The following FMN2 variants were observed in gnomAD, a reference collection of about 807,000 sequenced individuals.
FMN2 encodes formin 2, also known as formin-2.
Under a neutral mutation model 142.3 loss-of-function variants are expected in FMN2, and 51 were observed. That is an observed-to-expected ratio of 0.36 (90% CI 0.29 to 0.45). FMN2 has a LOEUF of 0.45. FMN2 is among the 20% of genes least tolerant of loss of function. The probability of loss-of-function intolerance (pLI) is 1.00; values close to 1 mark genes in which losing one functional copy is unlikely to be tolerated. For missense variants in FMN2, 1,936 were observed against 2,122.8 expected (o/e 0.91, Z 1.73); for synonymous variants, 882 against 869.8 (o/e 1.01, Z -0.25).
chr1:240,158,003 G>C (rs1664102069), intron 2 of FMN2, among the ~76,000 whole-genome samples: 1 of 149,736 alleles, frequency 6.7e-6, no homozygotes, highest in South Asian at 2.1e-4. Flanking sequence ...AAGTCAGCCA[G>C]GCACAGTGGT....
At chr1:240,321,514 A>G (rs1320816534) in intron 8 of FMN2, among the ~76,000 whole-genome samples, 1 of 152,204 alleles carries the variant, frequency 6.6e-6, no homozygotes, top group Non-Finnish European at 1.5e-5. Flanking sequence ...TTTTTAAATG[A>G]CCATTCTCAT....
intron 13 of FMN2, among the ~76,000 whole-genome samples, chr1:240,346,429 A>G (rs1355824778): frequency 6.6e-6 from 1 of 152,066 alleles, no homozygotes; most frequent in Admixed American, 6.6e-5. Flanking sequence ...GTGCTTAACC[A>G]TTGGTAACTG....
chr1:240,464,770 T>TCC (rs1676559004), intron 16 of FMN2, among the ~76,000 whole-genome samples: 3 of 152,134 alleles, frequency 2.0e-5, no homozygotes, highest in African/African-American at 7.2e-5. Context: ...CACTGTCCAT[T>TCC]ACTGAGCCAC....
chr1:240,131,233 T>C (rs147681635), intron 2 of FMN2, among the ~76,000 whole-genome samples: 1 of 152,148 alleles, frequency 6.6e-6, no homozygotes, highest in Non-Finnish European at 1.5e-5. Context: ...ATAGTAAGTG[T>C]TCAATGCCCT....
At chr1:240,367,594 C>T (rs538189612) in intron 14 of FMN2, among the ~76,000 whole-genome samples, 6 of 151,646 alleles carry the variant, frequency 4.0e-5, no homozygotes, top group South Asian at 4.2e-4. Context: ...CGGTGAAACC[C>T]CATCTCTACT....
At chr1:240,264,253 A>C (rs762998968) in intron 7 of FMN2, among the ~76,000 whole-genome samples, 1 of 152,166 alleles carries the variant, frequency 6.6e-6, no homozygotes, top group Non-Finnish European at 1.5e-5. Flanking sequence ...CTCCCTCAAA[A>C]GGGTCCAAAG....
chr1:240,154,478 T>C (rs1336927551), intron 2 of FMN2, among the ~76,000 whole-genome samples: 2 of 152,112 alleles, frequency 1.3e-5, no homozygotes, highest in Non-Finnish European at 1.5e-5. Flanking sequence ...TCCTGACACA[T>C]TGAAGAAATG....
intron 7 of FMN2, among the ~76,000 whole-genome samples, chr1:240,263,589 G>C (rs1397387658): frequency 3.3e-5 from 5 of 152,202 alleles, no homozygotes; most frequent in Admixed American, 3.3e-4. Context: ...TGTTGATTTA[G>C]ATAGAGATAG....
At chr1:240,446,293 T>G (rs1202843862) in intron 16 of FMN2, among the ~76,000 whole-genome samples, 1 of 152,158 alleles carries the variant, frequency 6.6e-6, no homozygotes, top group Non-Finnish European at 1.5e-5. Flanking sequence ...CTGAAGAAAC[T>G]CTCAGTAGGT....
intron 8 of FMN2, among the ~76,000 whole-genome samples, chr1:240,296,878 A>C (rs561940545): frequency 2.0e-5 from 3 of 152,266 alleles, no homozygotes; most frequent in African/African-American, 7.2e-5. Flanking sequence ...TTTATTATAC[A>C]GTTGTCACTA....
intron 1 of FMN2, among the ~76,000 whole-genome samples, chr1:240,097,604 C>G (rs1661253693): frequency 6.6e-6 from 1 of 152,172 alleles, no homozygotes; most frequent in African/African-American, 2.4e-5. Flanking sequence ...ATCCGCCCGC[C>G]TCGGCCGCCC....
chr1:240,182,489 C>G (rs962932010), intron 3 of FMN2, among the ~76,000 whole-genome samples: 2 of 152,084 alleles, frequency 1.3e-5, no homozygotes, highest in Admixed American at 1.3e-4. Flanking sequence ...AACAAAGAAC[C>G]ATGGCAGAAG....
At chr1:240,285,595 A>AG (rs2102945125) in intron 7 of FMN2, among the ~76,000 whole-genome samples, 1 of 152,194 alleles carries the variant, frequency 6.6e-6, no homozygotes. Context: ...AAGAGCCAGC[A>AG]GGGGAGACTG....
At chr1:240,293,034 C>A (rs901771831) in intron 7 of FMN2, among the ~76,000 whole-genome samples, 3 of 151,866 alleles carry the variant, frequency 2.0e-5, no homozygotes, top group Non-Finnish European at 4.4e-5. Flanking sequence ...GGGTTAGGAC[C>A]CTTTGAGAAC....
intron 15 of FMN2, among the ~76,000 whole-genome samples, chr1:240,415,623 C>T (rs1558479572): frequency 6.6e-6 from 1 of 152,092 alleles, no homozygotes; most frequent in Non-Finnish European, 1.5e-5. Flanking sequence ...GCAGCACCTG[C>T]ACTCGGTGTA....
intron 1 of FMN2, among the ~76,000 whole-genome samples, chr1:240,094,544 G>A (rs1661133887): frequency 6.6e-6 from 1 of 152,128 alleles, no homozygotes; most frequent in South Asian, 2.1e-4. Flanking sequence ...TGTTTGCTCT[G>A]GTCAGTGTCA....
chr1:240,331,242 A>T (rs1671371421), intron 11 of FMN2, among the ~76,000 whole-genome samples: 1 of 152,172 alleles, frequency 6.6e-6, no homozygotes, highest in African/African-American at 2.4e-5. Context: ...ACTCTGCTGC[A>T]TATGATTTTC....
chr1:240,355,646 T>G (rs1672239227), intron 13 of FMN2, among the ~76,000 whole-genome samples, 170 bp from the exon 14 acceptor site: 1 of 152,202 alleles, frequency 6.6e-6, no homozygotes, highest in Non-Finnish European at 1.5e-5. Context: ...AAGGAAGCCT[T>G]GATCATCGGC....
At position 240,208,749 on chromosome 1, in the gene FMN2, C is replaced by G. The variant is rs776545633; in HGVS notation, c.3920+17C>G. 6.3e-7 allele frequency: 1 copy of G among 1,595,080 alleles called. No homozygotes were observed. Among genetic ancestry groups the G allele is most frequent in the Non-Finnish European group, 8.6e-7 (1 of 1,166,984 alleles). On this transcript the variant is annotated intron_variant, in intron 5 of 17. Transcript: ENST00000319653. ...TAGTAAAAGGTAACATGAAAGTGAG[C>G]TCGTCTTTGCACAGTGTGTGTCAGT... is the stretch of plus-strand genomic sequence containing the variant.
Sources: allele counts gnomAD v4.1 joint callset (sites outside exome capture counted in the v4.1 genomes callset), GRCh38; gene constraint gnomAD v4.1.1; transcripts MANE v1.5; gene names NCBI Gene and HGNC (gene_info 2026-07-23, HGNC 2026-07-21).